Variants in SYT7 observed in about 807,000 individuals in gnomAD.
SYT7 encodes synaptotagmin 7, also known as synaptotagmin-7.
In SYT7, 29 loss-of-function variants were observed where a neutral mutation model predicts 75.1. That is an observed-to-expected ratio of 0.39 (90% CI 0.29 to 0.53). The LOEUF is 0.53. SYT7 is among the 20% of genes least tolerant of loss of function. SYT7 has a pLI of 0.77. For synonymous variants in SYT7, 376 were observed against 401.7 expected (o/e 0.94, Z 0.76); for missense variants, 693 against 953.2 (o/e 0.73, Z 3.59).
chr11:61,572,123 G>T (rs534254144), intron 1 of SYT7, among the ~76,000 whole-genome samples: 1 of 152,304 alleles, frequency 6.6e-6, no homozygotes, highest in South Asian at 2.1e-4. Context: ...GGTTGGGGGG[G>T]GGGCACACAG....
chr11:61,523,412 A>G lies in SYT7; in HGVS notation c.1757-138T>C. On this transcript the variant is annotated intron_variant, in intron 11 of 12. Transcript: ENST00000539008. The surrounding 1 kb of genome is among the most constrained non-coding windows in gnomAD (Gnocchi z 5.0). ...GAGGCAAGGAAAGACCCAGGCAAGA[A>G]CAAGAGGGACCTGGGAGAATCAGCA... 3.8e-6 allele frequency: 3 copies of G among 786,594 alleles called. No individual in the cohort carries two copies. The highest frequency in any genetic ancestry group is 6.2e-6 in the Non-Finnish European group (3 of 483,364). The allele number at this position is 786,594 out of a possible 1,614,324, so 48.7% of individuals were successfully genotyped here.
chr11:61,583,513 G>A (rs1235151024), upstream of SYT7, among the ~76,000 whole-genome samples: 1 of 152,174 alleles, frequency 6.6e-6, no homozygotes, highest in Admixed American at 6.5e-5. Context: ...ACTGACCCAG[G>A]GAGCTAAAGG....
chr11:61,581,420 G>A (rs1257391075), upstream of SYT7, among the ~76,000 whole-genome samples: 4 of 152,248 alleles, frequency 2.6e-5, no homozygotes, highest in Non-Finnish European at 5.9e-5. Flanking sequence ...GCCTGGCACC[G>A]GGCAGGGCCG....
At chr11:61,519,526 G>T (rs1188657485) in intron 12 of SYT7, among the ~76,000 whole-genome samples, 1 of 152,238 alleles carries the variant, frequency 6.6e-6, no homozygotes, top group African/African-American at 2.4e-5. Context: ...AAACTGTCAA[G>T]GGCCAGAGGG....
At chr11:61,586,075 G>T (rs933458735), upstream of SYT7, among the ~76,000 whole-genome samples, 1 of 152,090 alleles carries the variant, frequency 6.6e-6, no homozygotes, top group Non-Finnish European at 1.5e-5. Context: ...GGTCTCTCAG[G>T]CCATGTTACA....
chr11:61,545,947 G>A (rs534980814), intron 5 of SYT7, 84 bp downstream of exon 5: 287 of 1,265,358 alleles, frequency 2.3e-4, no homozygotes, highest in Non-Finnish European at 2.9e-4. Flanking sequence ...GGGCAGCAGC[G>A]GGCATGCCAG....
intron 3 of SYT7, among the ~76,000 whole-genome samples, chr11:61,548,101 T>C (rs1565189876): frequency 6.6e-6 from 1 of 152,338 alleles, no homozygotes; most frequent in Admixed American, 6.5e-5. Context: ...CTTGCAAATG[T>C]GGCAGCTGGG....
rs187149170 is a variant in SYT7 at position 61,517,509 on chromosome 11, A to G, written c.*1118T>C. The stretch of plus-strand genomic sequence containing the variant: ...GAGACGGAATGAATGGAAGGTCTAC[A>G]AGCATTGGGGGATGGAGGGGTGGAG... On this transcript the variant is annotated 3_prime_UTR_variant, in exon 13 of 13. Coordinates refer to ENST00000539008, the MANE Select transcript of SYT7 (RefSeq NM_001365809.2). The G allele has an allele frequency of 6.9e-4, 274 of 399,156 alleles. 3 individuals are homozygous for G. Among genetic ancestry groups the G allele is most frequent in the African/African-American group, 5.2e-3 (251 of 48,662 alleles). The allele number at this position is 399,156 out of a possible 1,614,324, so 24.7% of individuals were successfully genotyped here.
chr11:61,575,071 G>A (rs936143511), intron 1 of SYT7, among the ~76,000 whole-genome samples: 1 of 151,822 alleles, frequency 6.6e-6, no homozygotes, highest in Non-Finnish European at 1.5e-5. Flanking sequence ...CATTCCTGGG[G>A]CTCCTGGGGG....
chr11:61,541,127 G>C, intron 6 of SYT7: 2 of 985,528 alleles, frequency 2.0e-6, no homozygotes, highest in Non-Finnish European at 2.4e-6. Context: ...TGAGGTCTCA[G>C]AGGAGAGACA....
intron 12 of SYT7, among the ~76,000 whole-genome samples, 157 bp from the exon 13 acceptor site, chr11:61,518,888 C>A (rs1292267744): frequency 6.6e-6 from 1 of 152,232 alleles, no homozygotes; most frequent in African/African-American, 2.4e-5. Flanking sequence ...GCGCTCTCCT[C>A]CCTCCCCCAG....
chr11:61,578,447 T>TG (rs1457642617), intron 1 of SYT7, among the ~76,000 whole-genome samples: 2 of 151,716 alleles, frequency 1.3e-5, no homozygotes, highest in Admixed American at 6.6e-5. Context: ...CACTGGCCCC[T>TG]GGGAGACCAG....
rs893926506 is a variant in SYT7, at chr11:61,517,432, A to G, written c.*1195T>C. The G allele has an allele frequency of 1.5e-4, 59 of 398,860 alleles. No individual in the cohort carries two copies. The highest frequency in any genetic ancestry group is 1.1e-3 in the African/African-American group (55 of 48,736). 24.7% of individuals were successfully genotyped at this position (398,860 alleles called of 1,614,324 possible). ...GGACCAGGGAGTGGGGAAGGGTGAG[A>G]AGACAGTCCTGGAGAAGGTCAGGTG... On this transcript the variant is annotated 3_prime_UTR_variant, in exon 13 of 13. Coordinates refer to ENST00000539008, the MANE Select transcript of SYT7 (RefSeq NM_001365809.2).
At chr11:61,579,481 T>C (rs970629256) in intron 1 of SYT7, among the ~76,000 whole-genome samples, 2 of 152,144 alleles carry the variant, frequency 1.3e-5, no homozygotes, top group Non-Finnish European at 2.9e-5. Flanking sequence ...GTGAGGGCAG[T>C]GCCTGGCGCC....
chr11:61,564,408 A>G (rs1237589577), intron 1 of SYT7, among the ~76,000 whole-genome samples: 1 of 152,176 alleles, frequency 6.6e-6, no homozygotes, highest in Non-Finnish European at 1.5e-5. Context: ...AGTGTCTTTC[A>G]TTACAGTAAC....
At chr11:61,569,302 A>G in intron 1 of SYT7, among the ~76,000 whole-genome samples, 1 of 152,180 alleles carries the variant, frequency 6.6e-6, no homozygotes, top group Non-Finnish European at 1.5e-5. Flanking sequence ...TAGCAGCTCC[A>G]GCCACAGAAA....
intron 3 of SYT7, among the ~76,000 whole-genome samples, chr11:61,549,880 G>A (rs1378467148): frequency 6.6e-6 from 1 of 151,848 alleles, no homozygotes; most frequent in African/African-American, 2.4e-5. Context: ...GTCTCCTCTT[G>A]TGGGCCCTTT....
At position 61,580,960 on chromosome 11, in the gene SYT7, C is replaced by A; in HGVS notation, c.-140G>T. The stretch of plus-strand genomic sequence containing the variant: ...CGGGGGCCGAGCGGGCTGCACCTAG[C>A]CGCGGAGCCGGGGAGCGGGGGCCGC... On this transcript the variant is annotated 5_prime_UTR_variant, in exon 1 of 13. Transcript: ENST00000539008. This position sits in a 1 kb window ranked among gnomAD's most constrained non-coding sequence, Gnocchi z 6.1. The A allele has an allele frequency of 6.1e-6, 6 of 987,506 alleles. No homozygotes were observed. Among genetic ancestry groups the A allele is most frequent in the Non-Finnish European group, 7.2e-6 (6 of 831,780 alleles). The allele number at this position is 987,506 out of a possible 1,614,324, so 61.2% of individuals were successfully genotyped here.
At position 61,523,219 on chromosome 11, in the gene SYT7, C is replaced by T; in HGVS notation, c.1812G>A (p.Lys604=). 1.2e-6 allele frequency: 2 copies of T among 1,614,170 alleles called. No individual in the cohort carries two copies. The highest frequency in any genetic ancestry group is 1.1e-5 in the South Asian group (1 of 91,082). Residue 604 remains lysine, a synonymous_variant, in exon 12 of 13, where the codon AAG becomes AAA. Coordinates refer to ENST00000539008, the MANE Select transcript of SYT7 (RefSeq NM_001365809.2). The surrounding 1 kb of genome is among the most constrained non-coding windows in gnomAD (Gnocchi z 5.0). The part of the protein sequence containing the change: ...MYKDKRVEKK[K]TVTMKRNLNP... ...TCAGGTTCCTCTTCATCGTCACCGT[C>T]TTCTTCTTCTCCACCCGCTTGTCCT...
Sources: gnomAD v4.1 joint callset for allele counts (sites outside exome capture counted in the v4.1 genomes callset) on GRCh38, gnomAD v4.1.1 for gene constraint, Gnocchi (gnomAD v3.1) non-coding constraint, MANE v1.5 for transcripts, NCBI Gene and HGNC (gene_info 2026-07-23, HGNC 2026-07-21) for gene names.